The following NBPF11 variants were observed in gnomAD, a reference collection of about 807,000 sequenced individuals.
NBPF11 encodes the protein NBPF family member NBPF11.
Under a neutral mutation model 93.9 loss-of-function variants are expected in NBPF11, and 72 were observed. The observed-to-expected ratio is 0.77, with a 90% CI of 0.63 to 0.93. The LOEUF (loss-of-function observed/expected upper bound fraction) is 0.93, where lower values mean the gene tolerates loss of function less well. Ranked by LOEUF, NBPF11 falls within the 40% of genes least tolerant of loss-of-function variation. NBPF11 has a pLI of 0.00. For missense variants in NBPF11, 705 were observed against 802.2 expected (o/e 0.88, Z 1.46); for synonymous variants, 224 against 304.9 (o/e 0.73, Z 2.76).
In NBPF11 at chr1:148,117,771, C is replaced by T. The variant is rs1666917447; in HGVS notation, c.1107G>A (p.Leu369=). ...TCAGCTCTCGTTCCTGAGAGTGAAC[C>T]AGGACTTTATATTGCCTAAGGTGAG... ...QAEELRQYKV[L]VHSQERELTQ... is the part of the protein sequence containing the mutation. Residue 369 remains leucine, a synonymous_variant, in exon 12 of 24, where the codon CTG becomes CTA. Transcript: ENST00000682118. 1 of 599,140 alleles carries T rather than the reference C, an allele frequency of 1.7e-6. No homozygotes were observed. The highest frequency in any genetic ancestry group is 2.0e-5 in the South Asian group (1 of 49,474). 37.1% of individuals were successfully genotyped at this position (599,140 alleles called of 1,614,324 possible). A position where few individuals can be genotyped will look rare whatever the true frequency, so the allele number is the denominator to read the frequency against.
At chr1:148,115,224 C>T (rs1421967641) in intron 14 of NBPF11, among the ~76,000 whole-genome samples, 2 of 91,712 alleles carry the variant, frequency 2.2e-5, no homozygotes, top group East Asian at 3.6e-4. Context: ...TACAAAGAAA[C>T]ATTGGATCAG....
chr1:148,146,827 T>A lies in NBPF11; in HGVS notation c.-548-3141A>T. 8.1e-6 allele frequency: 13 copies of A among 1,613,734 alleles called. No homozygotes were observed. In the South Asian group the frequency reaches 1.4e-4, roughly 18 times the overall value. ...CCGCCTCCACTGCAACATCTTCACCTACGACTCCTCCGGCTACGGTGCCAG... is the reference window on the plus strand; with the variant it reads ...CCGCCTCCACTGCAACATCTTCACCAACGACTCCTCCGGCTACGGTGCCAG... On this transcript the variant is annotated intron_variant, in intron 1 of 23. Coordinates refer to ENST00000682118, the MANE Select transcript of NBPF11 (RefSeq NM_001385469.3).
At chr1:148,121,545 C>T (rs1188434616) in intron 9 of NBPF11, among the ~76,000 whole-genome samples, 14 of 151,166 alleles carry the variant, frequency 9.3e-5, no homozygotes, top group East Asian at 7.8e-4. Flanking sequence ...TTAGTAAAGA[C>T]GGGGTTTCAC....
chr1:148,132,286 G>T (rs1490310449), intron 4 of NBPF11, among the ~76,000 whole-genome samples: 1 of 145,812 alleles, frequency 6.9e-6, no homozygotes, highest in Non-Finnish European at 1.5e-5. Flanking sequence ...TATGTCCTAA[G>T]AATCAATTAG....
intron 15 of NBPF11, among the ~76,000 whole-genome samples, chr1:148,112,692 T>TAGAACA (rs1665575777): frequency 4.8e-4 from 69 of 144,136 alleles, no homozygotes; most frequent in Admixed American, 4.2e-3. Flanking sequence ...CTGGGTCAAA[T>TAGAACA]GGTATTTCTA....
intron 1 of NBPF11, among the ~76,000 whole-genome samples, chr1:148,150,478 TC>T (rs1648007320): frequency 6.6e-6 from 1 of 150,740 alleles, no homozygotes; most frequent in Non-Finnish European, 1.5e-5. Context: ...GACACAAAGT[TC>T]TCAGAAATCT....
At chr1:148,131,080 A>G (rs1472429563) in intron 4 of NBPF11, among the ~76,000 whole-genome samples, 4 of 151,260 alleles carry the variant, frequency 2.6e-5, no homozygotes, top group African/African-American at 4.9e-5. Context: ...ATCCATACGT[A>G]GCAGGCCAGG....
At chr1:148,125,478 T>A (rs1233117353) in intron 5 of NBPF11, among the ~76,000 whole-genome samples, 2 of 152,050 alleles carry the variant, frequency 1.3e-5, no homozygotes, top group African/African-American at 2.4e-5. Flanking sequence ...TTTAAATCAA[T>A]ATTCAGATAT....
At chr1:148,151,368 C>A (rs1648271548) in intron 1 of NBPF11, among the ~76,000 whole-genome samples, 1 of 151,988 alleles carries the variant, frequency 6.6e-6, no homozygotes, top group African/African-American at 2.4e-5. Context: ...AAGTCAGGGG[C>A]GCGAGCGCTC....
At chr1:148,125,088 C>T in intron 5 of NBPF11, 87 bp from the exon 6 acceptor site, 1 of 841,262 alleles carries the variant, frequency 1.2e-6, no homozygotes, top group Non-Finnish European at 2.0e-6. Flanking sequence ...CAGGTCCATC[C>T]CAAGGACAAA....
rs1553267904 is a variant in NBPF11, at chr1:148,108,668, A to G, written c.1854-14T>C. On this transcript the variant is annotated splice_polypyrimidine_tract_variant and intron_variant, in intron 17 of 23. Coordinates refer to ENST00000682118, the MANE Select transcript of NBPF11 (RefSeq NM_001385469.3). ...TCCCTGCTGAGCCTGGAAAAGTGGG[A>G]AAAAGTAAAGAATAAGCCAGGGGGA... 2.2e-6 allele frequency: 2 copies of G among 922,504 alleles called. No individual in the cohort carries two copies. The highest frequency in any genetic ancestry group is 2.4e-5 in the East Asian group (1 of 41,742). The allele number at this position is 922,504 out of a possible 1,614,324, so 57.1% of individuals were successfully genotyped here. A position where few individuals can be genotyped will look rare whatever the true frequency, so the allele number is the denominator to read the frequency against.
At chr1:148,150,752 G>T (rs1346356747) in intron 1 of NBPF11, among the ~76,000 whole-genome samples, 5,894 of 146,836 alleles carry the variant, frequency 0.04, 186 homozygotes, top group Middle Eastern at 0.067. Context: ...TTTAGAGGGA[G>T]TCTCGCTCTG....
At position 148,103,458 on chromosome 1, in the gene NBPF11, G is replaced by A; in HGVS notation, c.*438C>T. The A allele has an allele frequency of 1.3e-6, 1 of 769,882 alleles. No homozygotes were observed. Among genetic ancestry groups the A allele is most frequent in the South Asian group, 1.8e-5 (1 of 56,518 alleles). The allele number at this position is 769,882 out of a possible 1,614,324, so 47.7% of individuals were successfully genotyped here. On this transcript the variant is annotated 3_prime_UTR_variant, in exon 24 of 24. Coordinates refer to ENST00000682118, the MANE Select transcript of NBPF11 (RefSeq NM_001385469.3). ...GATCACTCCCGGCATGTGCTGCACA[G>A]TTATGTGAACGTGTCACACCTAACG...
chr1:148,142,131 AAG>A (rs1403902056), intron 2 of NBPF11, among the ~76,000 whole-genome samples: 1 of 150,172 alleles, frequency 6.7e-6, no homozygotes, highest in Non-Finnish European at 1.5e-5. Context: ...GAGAGAGAGA[AAG>A]AGAGTGGGAG....
In NBPF11 at chr1:148,102,494, C is replaced by A. The variant is rs1391543702; in HGVS notation, c.*1402G>T. On this transcript the variant is annotated 3_prime_UTR_variant, in exon 24 of 24. Coordinates refer to ENST00000682118, the MANE Select transcript of NBPF11 (RefSeq NM_001385469.3). ...TTAACCAAGTAACCAGTCCTGATAT[C>A]ATAATGGTGTTGGACAAACTAGACC... is the stretch of plus-strand genomic sequence containing the variant. The A allele has an allele frequency of 2.6e-5, 4 of 151,762 alleles. No individual in the cohort carries two copies. Among genetic ancestry groups the A allele is most frequent in the Non-Finnish European group, 5.9e-5 (4 of 68,036 alleles). The allele number at this position is 151,762 out of a possible 1,614,324, so 9.4% of individuals were successfully genotyped here.
chr1:148,149,658 C>A (rs1372155453), intron 1 of NBPF11: 7 of 1,204,396 alleles, frequency 5.8e-6, no homozygotes, highest in Non-Finnish European at 8.0e-6. Flanking sequence ...TGTGGACCCC[C>A]CCGGGCGGCC....
intron 2 of NBPF11, among the ~76,000 whole-genome samples, chr1:148,140,164 G>C (rs1307055336): frequency 6.6e-6 from 1 of 152,034 alleles, no homozygotes; most frequent in Admixed American, 6.5e-5. Context: ...GAGGTTTAGA[G>C]ACAATTTAAA....
At chr1:148,122,388 T>C (rs1321916452) in intron 8 of NBPF11, 122 bp from the exon 9 acceptor site, 1 of 1,517,950 alleles carries the variant, frequency 6.6e-7, no homozygotes, top group Non-Finnish European at 9.1e-7. Context: ...CAAATGGAGG[T>C]TCCCTTTAAG....
At chr1:148,105,616 G>A in intron 21 of NBPF11, 88 bp from the exon 22 acceptor site, 4 of 706,906 alleles carry the variant, frequency 5.7e-6, no homozygotes, top group African/African-American at 2.3e-5. Flanking sequence ...GCATAAGGAA[G>A]TGGTTAAAAA....
Sources: allele counts gnomAD v4.1 joint callset (sites outside exome capture counted in the v4.1 genomes callset), GRCh38; gene constraint gnomAD v4.1.1; transcripts MANE v1.5; gene names NCBI Gene and HGNC (gene_info 2026-07-23, HGNC 2026-07-21).